MGAT4C: variants seen among roughly 807,000 people sequenced by gnomAD.
MGAT4C encodes the protein MGAT4 family member C.
A neutral mutation model predicts 40.1 loss-of-function variants in MGAT4C; 19 were observed. That is an observed-to-expected ratio of 0.47 (90% CI 0.33 to 0.70). MGAT4C has a LOEUF of 0.70. MGAT4C is among the 30% of genes least tolerant of loss of function. The probability of loss-of-function intolerance (pLI) is 0.02; values close to 1 mark genes in which losing one functional copy is unlikely to be tolerated. For synonymous variants in MGAT4C, 181 were observed against 187.1 expected (o/e 0.97, Z 0.27); for missense variants, 491 against 563.2 (o/e 0.87, Z 1.30).
At chr12:86,732,086 G>A (rs1950919802) in intron 1 of MGAT4C, among the ~76,000 whole-genome samples, 1 of 152,114 alleles carries the variant, frequency 6.6e-6, no homozygotes, top group Non-Finnish European at 1.5e-5. Context: ...TATACCTTGT[G>A]CTTTGAAAAT....
At chr12:86,521,475 C>T (rs553906557) in intron 2 of MGAT4C, among the ~76,000 whole-genome samples, 2 of 151,950 alleles carry the variant, frequency 1.3e-5, no homozygotes, top group Admixed American at 1.3e-4. Context: ...TACTGTAGCC[C>T]TGTAGTATAG....
At chr12:86,025,243 C>T (rs182010858) in intron 2 of MGAT4C, among the ~76,000 whole-genome samples, 1 of 151,350 alleles carries the variant, frequency 6.6e-6, no homozygotes, top group Admixed American at 6.6e-5. Context: ...TAATAAAAAT[C>T]TGCAATGAAA....
chr12:86,471,727 TGTA>T (rs1397938253), intron 2 of MGAT4C, among the ~76,000 whole-genome samples: 13 of 152,146 alleles, frequency 8.5e-5, no homozygotes, highest in African/African-American at 3.1e-4. Flanking sequence ...CTTAAAATGA[TGTA>T]GAAGAGAGAA....
intron 1 of MGAT4C, among the ~76,000 whole-genome samples, chr12:86,070,477 T>C (rs953842429): frequency 2.0e-5 from 3 of 152,068 alleles, no homozygotes; most frequent in Non-Finnish European, 4.4e-5. Context: ...ATCCACTTTT[T>C]TGTGTACATT....
chr12:86,603,797 A>AAT (rs1593035006), intron 2 of MGAT4C, among the ~76,000 whole-genome samples: 6 of 24,628 alleles, frequency 2.4e-4, no homozygotes, highest in Admixed American at 8.8e-4. Flanking sequence ...TATATAGTAT[A>AAT]TATATTATAT....
At chr12:86,293,114 T>G (rs1282885284) in intron 4 of MGAT4C, among the ~76,000 whole-genome samples, 1 of 152,178 alleles carries the variant, frequency 6.6e-6, no homozygotes, top group Non-Finnish European at 1.5e-5. Flanking sequence ...TTAGCGCTGA[T>G]TATTTAAAAG....
chr12:86,696,559 A>T (rs913114991), intron 2 of MGAT4C, among the ~76,000 whole-genome samples: 1 of 152,222 alleles, frequency 6.6e-6, no homozygotes, highest in Admixed American at 6.5e-5. Flanking sequence ...CAAAATATTC[A>T]TTGAACGAAT....
chr12:86,454,394 A>G (rs1957476853), intron 2 of MGAT4C, among the ~76,000 whole-genome samples: 1 of 151,928 alleles, frequency 6.6e-6, no homozygotes, highest in Admixed American at 6.6e-5. Flanking sequence ...CACCTGATTA[A>G]TTTTTGTATT....
intron 1 of MGAT4C, among the ~76,000 whole-genome samples, chr12:86,089,219 C>A (rs532271785): frequency 1.3e-5 from 2 of 151,884 alleles, no homozygotes; most frequent in Non-Finnish European, 2.9e-5. Flanking sequence ...CATGTAAACA[C>A]TTCCTTTTGC....
At chr12:86,311,642 C>T (rs1954077111) in intron 4 of MGAT4C, among the ~76,000 whole-genome samples, 1 of 152,052 alleles carries the variant, frequency 6.6e-6, no homozygotes, top group African/African-American at 2.4e-5. Context: ...GAAAGAAGCC[C>T]CGTGTTTAGG....
intron 2 of MGAT4C, among the ~76,000 whole-genome samples, chr12:86,642,798 T>C (rs1226157025): frequency 2.0e-5 from 3 of 151,592 alleles, no homozygotes; most frequent in South Asian, 4.1e-4. Flanking sequence ...TATATGTATA[T>C]ATATATTTTA....
intron 2 of MGAT4C, among the ~76,000 whole-genome samples, chr12:86,628,259 A>C (rs912323313): frequency 6.6e-6 from 1 of 152,200 alleles, no homozygotes; most frequent in African/African-American, 2.4e-5. Flanking sequence ...AAAAGACCGA[A>C]TCTACATTTG....
intron 1 of MGAT4C, among the ~76,000 whole-genome samples, chr12:86,065,826 A>G (rs1894486449): frequency 6.6e-6 from 1 of 152,118 alleles, no homozygotes; most frequent in South Asian, 2.1e-4. Context: ...TCTCAGCCCA[A>G]AATCTCCTTA....
At chr12:85,989,761 T>C (rs1885670174) in intron 2 of MGAT4C, among the ~76,000 whole-genome samples, 1 of 151,812 alleles carries the variant, frequency 6.6e-6, no homozygotes, top group African/African-American at 2.4e-5. Flanking sequence ...TAATGTAGAG[T>C]AAATAAAAAT....
intron 3 of MGAT4C, among the ~76,000 whole-genome samples, chr12:86,350,490 T>C (rs927526114): frequency 6.6e-6 from 1 of 152,258 alleles, no homozygotes; most frequent in South Asian, 2.1e-4. Flanking sequence ...AGCGTAAGCC[T>C]AGTGACAAAG....
intron 2 of MGAT4C, among the ~76,000 whole-genome samples, chr12:86,502,920 TATATATATATATATGAGTTCTGCTC>T (rs1958384980): frequency 7.8e-4 from 1 of 1,288 alleles, no homozygotes; most frequent in Non-Finnish European, 1.8e-3. Flanking sequence ...GTTCTGCTCA[TATATATATATATATGAGTTCTGCTC>T]ATATATATAT....
chr12:86,530,744 A>T (rs188267119), intron 2 of MGAT4C, among the ~76,000 whole-genome samples: 24 of 152,160 alleles, frequency 1.6e-4, no homozygotes, highest in Non-Finnish European at 2.9e-5. Flanking sequence ...TTCTCAATCA[A>T]GAATGCCATC....
At chr12:86,710,865 T>TA (rs762363370) in intron 2 of MGAT4C, among the ~76,000 whole-genome samples, 6 of 152,128 alleles carry the variant, frequency 3.9e-5, no homozygotes, top group Admixed American at 2.0e-4. Context: ...TAAAAAGGAA[T>TA]AAACTAATGT....
chr12:86,689,350 A>G (rs1382301941), intron 2 of MGAT4C, among the ~76,000 whole-genome samples: 2 of 152,092 alleles, frequency 1.3e-5, no homozygotes, highest in Non-Finnish European at 2.9e-5. Flanking sequence ...CTGTCAATTT[A>G]TCAAATTCAT....
Sources: gnomAD v4.1 joint callset for allele counts (sites outside exome capture counted in the v4.1 genomes callset) on GRCh38, gnomAD v4.1.1 for gene constraint, MANE v1.5 for transcripts, NCBI Gene and HGNC (gene_info 2026-07-23, HGNC 2026-07-21) for gene names.